NMNAT2: variants seen among roughly 807,000 people sequenced by gnomAD.
NMNAT2 encodes the protein nicotinamide nucleotide adenylyltransferase 2.
Under a neutral mutation model 41.6 loss-of-function variants are expected in NMNAT2, and 11 were observed. The observed-to-expected ratio is 0.26, with a 90% confidence interval of 0.17 to 0.44. NMNAT2 has a LOEUF of 0.44. NMNAT2 is among the 20% of genes least tolerant of loss of function. The pLI, the probability that NMNAT2 is intolerant of heterozygous loss-of-function variation, is 1.00. For missense variants in NMNAT2, 288 were observed against 407.7 expected, an observed-to-expected ratio of 0.71 and a Z score of 2.53; for synonymous variants, 148 against 151.2, an observed-to-expected ratio of 0.98 and a Z score of 0.16.
At chr1:183,267,423 G>T (rs1187170730) in intron 8 of NMNAT2, 1 of 152,190 alleles carries the variant, frequency 6.6e-6, no homozygotes, top group East Asian at 1.9e-4. Flanking sequence ...TCTTAACAAA[G>T]CTCCCTAATC....
chr1:183,313,007 A>G (rs1021899346), intron 1 of NMNAT2, among the ~76,000 whole-genome samples: 2 of 152,094 alleles, frequency 1.3e-5, no homozygotes, highest in Non-Finnish European at 2.9e-5. Flanking sequence ...GTCTTTTCCA[A>G]TGAAGCCCAA....
At chr1:183,258,672 C>G (rs977912426) in intron 10 of NMNAT2, among the ~76,000 whole-genome samples, 1 of 152,144 alleles carries the variant, frequency 6.6e-6, no homozygotes, top group African/African-American at 2.4e-5. Flanking sequence ...GCTACAAGAT[C>G]TGACCCTCCC....
intron 1 of NMNAT2, among the ~76,000 whole-genome samples, chr1:183,373,427 G>A (rs189152956): frequency 2.6e-5 from 4 of 152,220 alleles, no homozygotes; most frequent in African/African-American, 9.6e-5. Flanking sequence ...AAATATAACA[G>A]GGTCTGACTG....
At chr1:183,312,778 T>A (rs187031273) in intron 1 of NMNAT2, among the ~76,000 whole-genome samples, 5 of 152,250 alleles carry the variant, frequency 3.3e-5, no homozygotes, top group African/African-American at 1.2e-4. Context: ...AATTTCTTCA[T>A]CTGTAGGGTG....
chr1:183,328,419 G>A (rs17483835), intron 1 of NMNAT2, among the ~76,000 whole-genome samples: 7,215 of 152,310 alleles, frequency 0.047, 250 homozygotes, highest in Non-Finnish European at 0.067. Flanking sequence ...TGCTCTTCTA[G>A]AATTTGCCAT....
At chr1:183,312,512 C>CATA (rs776602005) in intron 1 of NMNAT2, among the ~76,000 whole-genome samples, 20 of 151,364 alleles carry the variant, frequency 1.3e-4, no homozygotes, top group Non-Finnish European at 2.4e-4. Context: ...GTTTTGCTCT[C>CATA]TGTATATTTA....
At chr1:183,413,027 G>A (rs1358739449) in intron 1 of NMNAT2, among the ~76,000 whole-genome samples, 1 of 152,136 alleles carries the variant, frequency 6.6e-6, no homozygotes, top group Non-Finnish European at 1.5e-5. Flanking sequence ...ATGATTATAA[G>A]AATTTTCCTG....
At chr1:183,410,331 AAAATAAATAAAAAAT>A (rs1046583547) in intron 1 of NMNAT2, among the ~76,000 whole-genome samples, 17 of 152,116 alleles carry the variant, frequency 1.1e-4, no homozygotes, top group Admixed American at 1.0e-3. Context: ...TCAAAAAATA[AAAATAAATAAAAAAT>A]AAATAAATAA....
chr1:183,297,190 T>C (rs1348067635), intron 1 of NMNAT2, among the ~76,000 whole-genome samples: 2 of 151,628 alleles, frequency 1.3e-5, no homozygotes, highest in East Asian at 1.9e-4. Context: ...AATCTCACTG[T>C]GTATCCAGTG....
intron 1 of NMNAT2, among the ~76,000 whole-genome samples, chr1:183,337,974 G>T: frequency 6.6e-6 from 1 of 152,022 alleles, no homozygotes; most frequent in Non-Finnish European, 1.5e-5. Flanking sequence ...GGAATAAACT[G>T]GTTGTTCTCT....
intron 5 of NMNAT2, among the ~76,000 whole-genome samples, chr1:183,285,310 A>G (rs1474125184): frequency 2.0e-5 from 3 of 152,190 alleles, no homozygotes; most frequent in Non-Finnish European, 4.4e-5. Flanking sequence ...GCCTATCCTT[A>G]GCTGCTCCTC....
intron 1 of NMNAT2, among the ~76,000 whole-genome samples, chr1:183,331,017 C>T (rs561799194): frequency 6.8e-4 from 103 of 152,086 alleles, no homozygotes; most frequent in Non-Finnish European, 1.2e-3. Context: ...TCTCTCTCTC[C>T]CCTCCCTTTT....
intron 8 of NMNAT2, among the ~76,000 whole-genome samples, chr1:183,277,281 G>A (rs1349715254): frequency 3.9e-5 from 6 of 152,096 alleles, no homozygotes; most frequent in Non-Finnish European, 5.9e-5. Flanking sequence ...TCAGGGGTTC[G>A]AGACCAGCCT....
At position 183,414,633 on chromosome 1, in the gene NMNAT2, G is replaced by C. The variant is rs143017070; in HGVS notation, c.85+3550C>G. Among the ~76,000 whole-genome samples the C allele has an allele frequency of 7.0e-4, 106 of 152,284 alleles. 1 individual carries two copies. In the East Asian group the frequency reaches 0.015, roughly 22 times the overall value. ...CATCCCTGAAAGCATTTTAGTTACA[G>C]TTGAGTATACAAGTGTCAAATATCT... On this transcript the variant is annotated intron_variant, in intron 1 of 10. Transcript: ENST00000287713.
intron 1 of NMNAT2, among the ~76,000 whole-genome samples, chr1:183,386,605 A>G (rs949682449): frequency 2.7e-4 from 41 of 152,342 alleles, no homozygotes; most frequent in African/African-American, 9.9e-4. Flanking sequence ...TCACTTTTAA[A>G]AAGCAAAATA....
intron 1 of NMNAT2, among the ~76,000 whole-genome samples, chr1:183,341,724 C>CGAAAAAAAAAAAAA (rs1557883660): frequency 6.3e-5 from 1 of 15,822 alleles, no homozygotes; most frequent in Admixed American, 6.4e-4. Context: ...CAAACAAACA[C>CGAAAAAAAAAAAAA]CAAAAAAAAA....
intron 1 of NMNAT2, among the ~76,000 whole-genome samples, chr1:183,405,365 T>C (rs1648925146): frequency 6.6e-6 from 1 of 152,216 alleles, no homozygotes. Flanking sequence ...TGAAGCTGGG[T>C]GATAGGTGCA....
intron 1 of NMNAT2, among the ~76,000 whole-genome samples, chr1:183,378,051 A>C (rs1008152370): frequency 6.6e-6 from 1 of 152,240 alleles, no homozygotes; most frequent in Non-Finnish European, 1.5e-5. Flanking sequence ...AGGTCAATAG[A>C]AATTACCAAA....
intron 1 of NMNAT2, among the ~76,000 whole-genome samples, chr1:183,308,860 G>A (rs78938147): frequency 0.01 from 1,560 of 152,296 alleles, 34 homozygotes; most frequent in African/African-American, 0.035. Flanking sequence ...GGAAAGTGCT[G>A]CAGAGAGAGG....
Sources: gnomAD v4.1 joint callset for allele counts (sites outside exome capture counted in the v4.1 genomes callset) on GRCh38, gnomAD v4.1.1 for gene constraint, MANE v1.5 for transcripts, NCBI Gene and HGNC (gene_info 2026-07-23, HGNC 2026-07-21) for gene names.